SLC7A14: variants seen among roughly 807,000 people sequenced by gnomAD.
SLC7A14 encodes gamma-aminobutyric acid transporter SLC7A14.
A neutral mutation model predicts 60.2 loss-of-function variants in SLC7A14; 37 were observed. That is an observed-to-expected ratio of 0.61 (90% CI 0.47 to 0.81). The LOEUF (loss-of-function observed/expected upper bound fraction) is 0.81, where lower values mean the gene tolerates loss of function less well. SLC7A14 is among the 30% of genes least tolerant of loss of function. The pLI is 0.00. For missense variants in SLC7A14, 886 were observed against 982.7 expected, an observed-to-expected ratio of 0.90 and a Z score of 1.32; for synonymous variants, 399 against 395.8, an observed-to-expected ratio of 1.01 and a Z score of -0.10.
At chr3:170,468,791 C>T (rs943190432) in intron 7 of SLC7A14, among the ~76,000 whole-genome samples, 7 of 152,272 alleles carry the variant, frequency 4.6e-5, no homozygotes, top group East Asian at 1.9e-4. Flanking sequence ...CTCTGTAAAA[C>T]GATGAGAGCT....
intron 1 of SLC7A14, among the ~76,000 whole-genome samples, chr3:170,549,064 T>G (rs1714260766): frequency 6.6e-6 from 1 of 152,188 alleles, no homozygotes; most frequent in African/African-American, 2.4e-5. Context: ...TATAAATATT[T>G]TCACATTTGA....
intron 4 of SLC7A14, among the ~76,000 whole-genome samples, chr3:170,491,306 A>G (rs1712211486): frequency 6.6e-6 from 1 of 152,244 alleles, no homozygotes; most frequent in African/African-American, 2.4e-5. Context: ...AATTATGATC[A>G]AGTAGGGAAA....
At chr3:170,490,266 C>T (rs551921615) in intron 4 of SLC7A14, among the ~76,000 whole-genome samples, 2 of 152,184 alleles carry the variant, frequency 1.3e-5, no homozygotes, top group African/African-American at 4.8e-5. Context: ...GTCCTGCTTT[C>T]TCTTCCTTTA....
chr3:170,534,661 T>C (rs1713784328), intron 1 of SLC7A14, among the ~76,000 whole-genome samples: 1 of 152,190 alleles, frequency 6.6e-6, no homozygotes, highest in Non-Finnish European at 1.5e-5. Context: ...CAATTAATTC[T>C]TTAAAGATAT....
chr3:170,533,985 A>G (rs1177094336), intron 1 of SLC7A14, among the ~76,000 whole-genome samples: 1 of 152,230 alleles, frequency 6.6e-6, no homozygotes, highest in Non-Finnish European at 1.5e-5. Flanking sequence ...ATGAATCTAT[A>G]ATGACTGCAT....
At chr3:170,540,456 C>CTT in intron 1 of SLC7A14, among the ~76,000 whole-genome samples, 1 of 143,792 alleles carries the variant, frequency 7.0e-6, no homozygotes, top group African/African-American at 2.5e-5. Context: ...TAGTTTGCTT[C>CTT]TTTTTTTTTT....
intron 4 of SLC7A14, among the ~76,000 whole-genome samples, chr3:170,486,674 A>G (rs1037509589): frequency 6.6e-6 from 1 of 152,016 alleles, no homozygotes; most frequent in Admixed American, 6.6e-5. Context: ...GAGTTTGAGA[A>G]CAGCCTTACC....
At position 170,585,486 on chromosome 3, in the gene SLC7A14, C is replaced by T. The variant is rs904279885; in HGVS notation, c.-153+425G>A. Among the ~76,000 whole-genome samples, 1 of 152,208 alleles carries T rather than the reference C, an allele frequency of 6.6e-6. No homozygotes were observed. Among genetic ancestry groups the T allele is most frequent in the Non-Finnish European group, 1.5e-5 (1 of 68,034 alleles). On this transcript the variant is annotated intron_variant, in intron 1 of 7. Coordinates refer to ENST00000231706, the MANE Select transcript of SLC7A14 (RefSeq NM_020949.3). This position sits in a 1 kb window ranked among gnomAD's most constrained non-coding sequence, Gnocchi z 5.1. ...GTCCGAGGCGGAGAACGGAGCTGCC[C>T]GTGCGGGGTGCGCGCCAAGGCGGGG...
chr3:170,511,572 T>C (rs1009605960), intron 2 of SLC7A14, among the ~76,000 whole-genome samples: 2 of 152,108 alleles, frequency 1.3e-5, no homozygotes, highest in East Asian at 1.9e-4. Flanking sequence ...ATATGTTAGG[T>C]ACTCCTTCAG....
At position 170,495,235 on chromosome 3, in the gene SLC7A14, A is replaced by G. The variant is rs548880613; in HGVS notation, c.759+3432T>C. 2.6e-5 allele frequency among the ~76,000 whole-genome samples: 4 copies of G among 152,360 alleles called. No homozygotes were observed. In the East Asian group the frequency reaches 7.7e-4, roughly 29 times the overall value. ...CAATTAGTTTTGCCACATAATAGAT[A>G]AGAAAAACTGAAAGCACAGAAGTTA... On this transcript the variant is annotated intron_variant, in intron 4 of 7. Transcript: ENST00000231706.
intron 2 of SLC7A14, among the ~76,000 whole-genome samples, chr3:170,516,000 C>T (rs1466427260): frequency 6.6e-6 from 1 of 152,196 alleles, no homozygotes; most frequent in Non-Finnish European, 1.5e-5. Context: ...GTCCCTCCTA[C>T]AGCCATGCTA....
chr3:170,475,365 C>T (rs1711580533), intron 7 of SLC7A14, among the ~76,000 whole-genome samples: 1 of 152,144 alleles, frequency 6.6e-6, no homozygotes, highest in Non-Finnish European at 1.5e-5. Flanking sequence ...TAAGCAGCTC[C>T]ATTTAAAAAT....
At chr3:170,544,797 G>T (rs1441373917) in intron 1 of SLC7A14, among the ~76,000 whole-genome samples, 1 of 152,232 alleles carries the variant, frequency 6.6e-6, no homozygotes, top group Non-Finnish European at 1.5e-5. Context: ...CCAAGGTAAA[G>T]ATGAGGAAAC....
At chr3:170,557,113 GCA>G (rs1344401263) in intron 1 of SLC7A14, among the ~76,000 whole-genome samples, 1 of 152,164 alleles carries the variant, frequency 6.6e-6, no homozygotes, top group Non-Finnish European at 1.5e-5. Flanking sequence ...GGGTTATGAT[GCA>G]CAGTTCTCCT....
rs142066286 is a variant in SLC7A14 at position 170,531,242 on chromosome 3, C to T, written c.-152-4154G>A. ...AGGCCACTACTCTGACAGGTACTTCCGGTTTCCTTCCCTGGGCAGGTCATG... is the reference window on the plus strand; with the variant it reads ...AGGCCACTACTCTGACAGGTACTTCTGGTTTCCTTCCCTGGGCAGGTCATG... On this transcript the variant is annotated intron_variant, in intron 1 of 7. Transcript: ENST00000231706. 3.3e-3 allele frequency among the ~76,000 whole-genome samples: 502 copies of T among 152,072 alleles called. 2 individuals are homozygous for T. The highest frequency in any genetic ancestry group is 0.01 in the African/African-American group (431 of 41,488).
At chr3:170,515,318 C>T (rs998081373) in intron 2 of SLC7A14, among the ~76,000 whole-genome samples, 2 of 96,586 alleles carry the variant, frequency 2.1e-5, no homozygotes, top group Admixed American at 9.9e-5. Flanking sequence ...GTCCGCCCCC[C>T]CCAAAAAAAA....
chr3:170,496,394 T>A (rs914494477), intron 4 of SLC7A14: 13 of 1,430,326 alleles, frequency 9.1e-6, no homozygotes, highest in Middle Eastern at 2.3e-4. Flanking sequence ...AGGCTGAGAT[T>A]GAGGGCCTCA....
rs754679865 is a variant in SLC7A14, at chr3:170,483,517, G to A, written c.912C>T (p.Ser304=). Residue 304 remains serine (S), a synonymous_variant, in exon 6 of 8, where the codon AGC becomes AGT. Coordinates refer to ENST00000231706, the MANE Select transcript of SLC7A14 (RefSeq NM_020949.3). ...ATGGCACCATCAGAGTTAAGATCAC[G>A]CTCACCTGTTAAAACAAGAGAAGAC... ...VICLTAYVSV[S]VILTLMVPYY... is the part of the protein sequence containing the mutation. The A allele has an allele frequency of 6.2e-6, 10 of 1,614,020 alleles. No homozygotes were observed. Among genetic ancestry groups the A allele is most frequent in the East Asian group, 4.5e-5 (2 of 44,888 alleles).
chr3:170,471,831 T>C (rs1739919590), intron 7 of SLC7A14, among the ~76,000 whole-genome samples: 1 of 152,216 alleles, frequency 6.6e-6, no homozygotes, highest in African/African-American at 2.4e-5. Context: ...TTTGGATATT[T>C]AATTCTGCTG....
Sources: gnomAD v4.1 joint callset for allele counts (sites outside exome capture counted in the v4.1 genomes callset) on GRCh38, gnomAD v4.1.1 for gene constraint, Gnocchi (gnomAD v3.1) non-coding constraint, MANE v1.5 for transcripts, NCBI Gene and HGNC (gene_info 2026-07-23, HGNC 2026-07-21) for gene names.